Variants in NIPSNAP1 observed in about 807,000 individuals in gnomAD.
NIPSNAP1 encodes the protein protein NipSnap homolog 1.
A neutral mutation model predicts 49.2 loss-of-function variants in NIPSNAP1; 25 were observed. The ratio of observed to expected loss-of-function variants is 0.51; its 90% confidence interval spans 0.37 to 0.71. The LOEUF is 0.71. Ranked by LOEUF, NIPSNAP1 falls within the 30% of genes least tolerant of loss-of-function variation. The pLI is 0.00. For synonymous variants in NIPSNAP1, 143 were observed against 140.7 expected, an observed-to-expected ratio of 1.02 and a Z score of -0.12; for missense variants, 294 against 361.0, an observed-to-expected ratio of 0.81 and a Z score of 1.50.
chr22:29,580,071 T>C (rs2064485851), intron 1 of NIPSNAP1: 3 of 1,302,500 alleles, frequency 2.3e-6, no homozygotes, highest in South Asian at 2.5e-5. Flanking sequence ...TTTTCACAGG[T>C]TGGGGGAGGG....
chr22:29,562,152 C>T (rs1232189393), intron 4 of NIPSNAP1, among the ~76,000 whole-genome samples: 1 of 152,156 alleles, frequency 6.6e-6, no homozygotes, highest in African/African-American at 2.4e-5. Context: ...TCCCACCCCA[C>T]CTTCCTTAAA....
chr22:29,561,205 G>T lies in NIPSNAP1; in HGVS notation c.580-3C>A. The T allele has an allele frequency of 6.2e-7, 1 of 1,613,316 alleles. No homozygotes were observed. Among genetic ancestry groups the T allele is most frequent in the Non-Finnish European group, 8.5e-7 (1 of 1,179,618 alleles). On this transcript the variant is annotated splice_region_variant and splice_polypyrimidine_tract_variant and intron_variant, in intron 6 of 9. Transcript: ENST00000216121. The stretch of plus-strand genomic sequence containing the variant: ...CCCCACTCGATCATGGTTCCTGGCT[G>T]AAAGAGAACCAAAGGGATGATGGGA...
intron 1 of NIPSNAP1, among the ~76,000 whole-genome samples, chr22:29,578,464 G>A (rs2064472364): frequency 6.6e-6 from 1 of 151,126 alleles, no homozygotes; most frequent in African/African-American, 2.5e-5. Context: ...GAGCAATGGT[G>A]CCTGGCCCAG....
chr22:29,561,628 T>G lies in NIPSNAP1; in HGVS notation c.457A>C (p.Arg153=). The G allele has an allele frequency of 6.2e-7, 1 of 1,614,046 alleles. No individual in the cohort carries two copies. Among genetic ancestry groups the G allele is most frequent in the Non-Finnish European group, 8.5e-7 (1 of 1,180,010 alleles). The change falls in exon 6 of 10, where the codon AGG becomes CGG. Residue 153 remains arginine, a synonymous_variant. Coordinates refer to ENST00000216121, the MANE Select transcript of NIPSNAP1 (RefSeq NM_003634.4). ...GACAGCAGCATCTGGCTCCGCTCCC[T>G]TCGGAACTCCAGGTACTCCTGTGGG... ...KNNKEYLEFR[R]ERSQMLLSRR...
chr22:29,573,571 C>G (rs2064426858), intron 1 of NIPSNAP1, among the ~76,000 whole-genome samples: 1 of 151,956 alleles, frequency 6.6e-6, no homozygotes, highest in East Asian at 1.9e-4. Context: ...GAGTTTGAGA[C>G]CAGCCTGACC....
chr22:29,564,164 G>A (rs1253187528), intron 4 of NIPSNAP1: 3 of 367,546 alleles, frequency 8.2e-6, no homozygotes, highest in Admixed American at 3.6e-5. Context: ...CTAGAGCTAA[G>A]GGCAGCTGGC....
At chr22:29,570,238 G>A in intron 2 of NIPSNAP1, 31 bp from the exon 3 acceptor site, 3 of 1,612,928 alleles carry the variant, frequency 1.9e-6, no homozygotes, top group Non-Finnish European at 2.5e-6. Context: ...CAAGAAGTGA[G>A]GTAGGGTGTG....
chr22:29,567,549 T>C (rs890282682), intron 4 of NIPSNAP1, among the ~76,000 whole-genome samples: 1 of 152,098 alleles, frequency 6.6e-6, no homozygotes, highest in African/African-American at 2.4e-5. Context: ...GTGACATCTA[T>C]GCCAAAATAG....
rs1044933147 is a variant in NIPSNAP1, at chr22:29,558,781, G to C, written c.790+89C>G. 1.2e-4 allele frequency: 120 copies of C among 972,620 alleles called. No individual in the cohort carries two copies. In the African/African-American group the frequency reaches 1.8e-3, roughly 14 times the overall value. 60.2% of individuals were successfully genotyped at this position (972,620 alleles called of 1,614,324 possible). Reference sequence around the variant, plus strand: ...TAAAAGTGAGTTCCCCATCACTGGAGGTAATCAAGAAAGACTAGATCTCCT... The same window carrying C: ...TAAAAGTGAGTTCCCCATCACTGGACGTAATCAAGAAAGACTAGATCTCCT... On this transcript the variant is annotated intron_variant, in intron 9 of 9. Coordinates refer to ENST00000216121, the MANE Select transcript of NIPSNAP1 (RefSeq NM_003634.4).
chr22:29,575,865 C>A (rs1317849402), intron 1 of NIPSNAP1, among the ~76,000 whole-genome samples: 2 of 151,982 alleles, frequency 1.3e-5, no homozygotes, highest in East Asian at 3.8e-4. Flanking sequence ...CAGGCATGTG[C>A]CACCACATCC....
At chr22:29,575,713 T>G (rs1333884006) in intron 1 of NIPSNAP1, among the ~76,000 whole-genome samples, 1 of 42,622 alleles carries the variant, frequency 2.3e-5, no homozygotes, top group Non-Finnish European at 6.3e-5. Context: ...AGGAGTTGTT[T>G]TTTTTTTTTT....
At chr22:29,556,066 C>T in intron 9 of NIPSNAP1, 67 bp from the exon 10 acceptor site, 1 of 1,381,046 alleles carries the variant, frequency 7.2e-7, no homozygotes, top group South Asian at 1.2e-5. Context: ...CCTGGCCCCA[C>T]CCACACATGC....
At chr22:29,574,253 C>A (rs2064431897) in intron 1 of NIPSNAP1, among the ~76,000 whole-genome samples, 1 of 56,082 alleles carries the variant, frequency 1.8e-5, no homozygotes, top group South Asian at 7.8e-4. Flanking sequence ...AGTGAGACTC[C>A]ATCTTCACAA....
Position 29,561,876 on chromosome 22 carries a change from G to A in NIPSNAP1, c.368-14C>T. 1 of 1,613,912 alleles carries A rather than the reference G, an allele frequency of 6.2e-7. No individual in the cohort carries two copies. Among genetic ancestry groups the A allele is most frequent in the Admixed American group, 1.7e-5 (1 of 60,014 alleles). On this transcript the variant is annotated splice_polypyrimidine_tract_variant and intron_variant, in intron 4 of 9. Transcript: ENST00000216121. ...GCCACAGGTGCACTGTTGGGGGTGA[G>A]AGGTATAGGTCAGTGAGCTGCTGGG...
At chr22:29,567,612 G>A (rs1322473512) in intron 4 of NIPSNAP1, among the ~76,000 whole-genome samples, 1 of 152,094 alleles carries the variant, frequency 6.6e-6, no homozygotes, top group Non-Finnish European at 1.5e-5. Context: ...CAGCACTTTG[G>A]GAGGCCAAAG....
At chr22:29,559,580 G>A (rs867442338) in intron 8 of NIPSNAP1, among the ~76,000 whole-genome samples, 5 of 150,724 alleles carry the variant, frequency 3.3e-5, no homozygotes, top group African/African-American at 1.2e-4. Flanking sequence ...CCAAAATTAC[G>A]CTCCTGACCC....
At chr22:29,560,070 G>C (rs1423958155) in intron 8 of NIPSNAP1, among the ~76,000 whole-genome samples, 3 of 152,046 alleles carry the variant, frequency 2.0e-5, no homozygotes, top group Non-Finnish European at 4.4e-5. Context: ...CCACCACAGG[G>C]CCTTTGCATG....
At chr22:29,571,869 G>A (rs1325301092) in intron 1 of NIPSNAP1, among the ~76,000 whole-genome samples, 1 of 151,512 alleles carries the variant, frequency 6.6e-6, no homozygotes, top group Non-Finnish European at 1.5e-5. Context: ...TCGGCCTCCC[G>A]GGTTCAAGCA....
At chr22:29,570,758 C>T (rs372092927) in intron 1 of NIPSNAP1, among the ~76,000 whole-genome samples, 36 of 152,080 alleles carry the variant, frequency 2.4e-4, no homozygotes, top group Non-Finnish European at 4.4e-4. Flanking sequence ...AGCCTCAGGA[C>T]GCCAGGAGAG....
Sources: allele counts gnomAD v4.1 joint callset (sites outside exome capture counted in the v4.1 genomes callset), GRCh38; gene constraint gnomAD v4.1.1; transcripts MANE v1.5; gene names NCBI Gene and HGNC (gene_info 2026-07-23, HGNC 2026-07-21).